The following PCNT variants were observed in gnomAD, a reference collection of about 807,000 sequenced individuals.
The protein encoded by PCNT is kendrin.
Under a neutral mutation model 380.4 loss-of-function variants are expected in PCNT, and 319 were observed. The observed-to-expected ratio is 0.84, with a 90% CI of 0.77 to 0.92. PCNT has a LOEUF of 0.92. PCNT is among the 40% of genes least tolerant of loss of function. The pLI, the probability that PCNT is intolerant of heterozygous loss-of-function variation, is 0.00. For synonymous variants in PCNT, 1,845 were observed against 1,735.2 expected (o/e 1.06, Z -1.57); for missense variants, 4,400 against 4,255.3 (o/e 1.03, Z -0.95).
chr21:46,417,184 C>CTT (rs71318076), intron 30 of PCNT, among the ~76,000 whole-genome samples: 7,913 of 73,496 alleles, frequency 0.11, 852 homozygotes, highest in Non-Finnish European at 0.14. Context: ...GGAATGCTTC[C>CTT]TTTTTTTTTT....
intron 41 of PCNT, 124 bp downstream of exon 41, chr21:46,438,461 A>C: frequency 1.2e-6 from 1 of 816,614 alleles, no homozygotes; most frequent in Non-Finnish European, 2.1e-6. Flanking sequence ...CCTTCTCCCT[A>C]ACCGCCAGGC....
At chr21:46,436,169 G>A (rs1198093047) in intron 39 of PCNT, 21 bp downstream of exon 39, 1 of 1,601,958 alleles carries the variant, frequency 6.2e-7, no homozygotes, top group Non-Finnish European at 8.5e-7. Context: ...ACGCCACCTG[G>A]CGCTCACTGG....
At chr21:46,369,888 G>A (rs2085055936) in intron 15 of PCNT, among the ~76,000 whole-genome samples, 1 of 152,200 alleles carries the variant, frequency 6.6e-6, no homozygotes, top group Non-Finnish European at 1.5e-5. Context: ...GGCCCTGCAG[G>A]AACTCAGAGA....
At chr21:46,422,158 C>T (rs1372752167) in intron 32 of PCNT, 34 bp downstream of exon 32, 1 of 1,611,426 alleles carries the variant, frequency 6.2e-7, no homozygotes, top group African/African-American at 1.3e-5. Context: ...CACAGCTTCA[C>T]ATGTGCAGCC....
rs1390666399 is a variant in PCNT at position 46,349,900 on chromosome 21, T to C, written c.1344+80T>C. On this transcript the variant is annotated intron_variant, in intron 8 of 46. Coordinates refer to ENST00000359568, the MANE Select transcript of PCNT (RefSeq NM_006031.6). ...ATTTTGGAATTGGGCTATTTCGTAT[T>C]GTGTTATTTGCTAAAACTTAAGTTC... The C allele has an allele frequency of 1.1e-5, 15 of 1,328,012 alleles. No homozygotes were observed. The East Asian group carries it at 1.6e-4, about 14-fold the overall frequency. The allele number at this position is 1,328,012 out of a possible 1,614,324, so 82.3% of individuals were successfully genotyped here. A position where few individuals can be genotyped will look rare whatever the true frequency, so the allele number is the denominator to read the frequency against.
chr21:46,438,302 C>T lies in PCNT; in HGVS notation c.9238C>T (p.Leu3080=). The T allele has an allele frequency of 1.2e-6, 2 of 1,614,172 alleles. No individual in the cohort carries two copies. Among genetic ancestry groups the T allele is most frequent in the Non-Finnish European group, 1.7e-6 (2 of 1,180,022 alleles). ...SRAVSKLEKL[L]KHHLQKGCSP... is the part of the protein sequence containing the mutation. Reference sequence around the variant, plus strand: ...AGCCGTGTCTAAGCTTGAGAAGTTGCTGAAGCACCATCTGCAGAAGGGCTG... The same window carrying T: ...AGCCGTGTCTAAGCTTGAGAAGTTGTTGAAGCACCATCTGCAGAAGGGCTG... Residue 3080 remains leucine (L), a synonymous_variant, in exon 41 of 47, where the codon CTG becomes TTG. Coordinates refer to ENST00000359568, the MANE Select transcript of PCNT (RefSeq NM_006031.6).
At chr21:46,437,155 C>G in intron 40 of PCNT, 74 bp downstream of exon 40, 1 of 897,094 alleles carries the variant, frequency 1.1e-6, no homozygotes, top group Non-Finnish European at 1.8e-6. Context: ...CTTTGTGGTT[C>G]TTTTTCACGC....
intron 35 of PCNT, among the ~76,000 whole-genome samples, chr21:46,429,065 T>C (rs1212051590): frequency 2.0e-5 from 3 of 152,226 alleles, no homozygotes; most frequent in African/African-American, 4.8e-5. Context: ...GCTGGTCTCG[T>C]ACCATCGCAT....
intron 38 of PCNT, among the ~76,000 whole-genome samples, chr21:46,433,757 T>C (rs2087860817): frequency 6.6e-6 from 1 of 152,182 alleles, no homozygotes; most frequent in African/African-American, 2.4e-5. Context: ...GAGGTGGCCC[T>C]TCCAGAGTGA....
At chr21:46,385,742 C>A in intron 16 of PCNT, 90 bp from the exon 17 acceptor site, 1 of 1,419,314 alleles carries the variant, frequency 7.0e-7, no homozygotes, top group African/African-American at 1.4e-5. Context: ...CAGAGACTCT[C>A]AAATACTGAA....
intron 15 of PCNT, among the ~76,000 whole-genome samples, chr21:46,369,778 C>T (rs2085052693): frequency 6.6e-6 from 1 of 152,168 alleles, no homozygotes; most frequent in Non-Finnish European, 1.5e-5. Context: ...GAGCTGGTCG[C>T]AGCCCTGTGC....
intron 15 of PCNT, among the ~76,000 whole-genome samples, chr21:46,380,997 C>T (rs1173000220): frequency 6.6e-6 from 1 of 151,656 alleles, no homozygotes; most frequent in African/African-American, 2.4e-5. Flanking sequence ...TGGTAGAAAC[C>T]CTATCTCTAC....
At chr21:46,417,107 A>C (rs2087057232) in intron 30 of PCNT, among the ~76,000 whole-genome samples, 1 of 152,054 alleles carries the variant, frequency 6.6e-6, no homozygotes, top group Non-Finnish European at 1.5e-5. Context: ...GGCATAGCCC[A>C]GACACGTCTT....
chr21:46,357,134 T>C lies in PCNT; in HGVS notation c.2097T>C (p.Asn699=). Residue 699 remains asparagine, a synonymous_variant, in exon 13 of 47, where the codon AAT becomes AAC. Coordinates refer to ENST00000359568, the MANE Select transcript of PCNT (RefSeq NM_006031.6). ...AAATTGAACTCCTAAAAATAGAAAA[T>C]AGAAATTTGTATGGGAAGTTGCAGC... ...KEEIELLKIE[N]RNLYGKLQHE... is the part of the protein sequence containing the mutation. The C allele has an allele frequency of 1.2e-6, 2 of 1,613,902 alleles. No individual in the cohort carries two copies. The highest frequency in any genetic ancestry group is 1.6e-4 in the Middle Eastern group (1 of 6,062).
chr21:46,438,669 ATTT>A (rs34152810), intron 41 of PCNT, among the ~76,000 whole-genome samples: 104 of 127,548 alleles, frequency 8.2e-4, no homozygotes, highest in African/African-American at 2.8e-3. Context: ...GTGATTTATA[ATTT>A]TTTTTTTTTT....
chr21:46,359,904 T>C (rs2084643220), intron 13 of PCNT, among the ~76,000 whole-genome samples: 1 of 151,690 alleles, frequency 6.6e-6, no homozygotes, highest in Non-Finnish European at 1.5e-5. Context: ...TTGCCCAGGC[T>C]GGAGTGCAGT....
At chr21:46,335,212 C>T (rs938529134) in intron 3 of PCNT, among the ~76,000 whole-genome samples, 1 of 152,162 alleles carries the variant, frequency 6.6e-6, no homozygotes, top group Non-Finnish European at 1.5e-5. Context: ...AGTCCTGTGC[C>T]AGTTGAGAGC....
At chr21:46,364,928 T>C (rs2330431) in intron 14 of PCNT, among the ~76,000 whole-genome samples, 151,442 of 152,348 alleles carry the variant, frequency 0.99, 75,284 homozygotes, top group Middle Eastern at 1. Context: ...CAGAGGTGCC[T>C]GTGCCTCTTG....
chr21:46,411,192 A>G lies in PCNT; in HGVS notation c.5119A>G (p.Ile1707Val), dbSNP rs756187247. The change falls in exon 28 of 47, where the codon ATA (isoleucine) becomes GTA (valine). Residue 1707 changes from isoleucine (I) to valine (V), a missense_variant. By Grantham distance (29) the Ile-to-Val change is conservative. Transcript: ENST00000359568. ...CTGAAATGTCCTCTCTCTTCAGGTC[A>G]TATATACCAGAAGTTCTGAGATTGA... ...LEEENTSLKV[I>V]YTRSSEIEEL... 1.9e-6 allele frequency: 3 copies of G among 1,613,580 alleles called. No individual in the cohort carries two copies. The highest frequency in any genetic ancestry group is 2.5e-6 in the Non-Finnish European group (3 of 1,179,558).
Sources: allele counts gnomAD v4.1 joint callset (sites outside exome capture counted in the v4.1 genomes callset), GRCh38; gene constraint gnomAD v4.1.1; transcripts MANE v1.5; gene names NCBI Gene and HGNC (gene_info 2026-07-23, HGNC 2026-07-21).